CADM1: variants seen among roughly 807,000 people sequenced by gnomAD.
The protein encoded by CADM1 is TSLC-1.
In CADM1, 15 loss-of-function variants were observed where a neutral mutation model predicts 53.1. The ratio of observed to expected loss-of-function variants is 0.28; its 90% CI spans 0.19 to 0.44. The LOEUF (loss-of-function observed/expected upper bound fraction) is 0.44, where lower values mean the gene tolerates loss of function less well. CADM1 is among the 20% of genes least tolerant of loss of function. CADM1 has a pLI of 1.00. For missense variants in CADM1, 434 were observed against 611.3 expected (o/e 0.71, Z 3.06); for synonymous variants, 281 against 243.0 (o/e 1.16, Z -1.45).
intron 1 of CADM1, among the ~76,000 whole-genome samples, chr11:115,494,119 G>T (rs1346757035): frequency 6.6e-6 from 1 of 152,126 alleles, no homozygotes; most frequent in Non-Finnish European, 1.5e-5. Context: ...AGATGAGTAT[G>T]TGTGTATACA....
chr11:115,480,731 A>G (rs1949239232), intron 1 of CADM1, among the ~76,000 whole-genome samples: 1 of 152,078 alleles, frequency 6.6e-6, no homozygotes, highest in East Asian at 1.9e-4. Context: ...AAACCTTCCC[A>G]GTTTCTCACC....
At chr11:115,194,697 C>T (rs962570980) in intron 9 of CADM1, among the ~76,000 whole-genome samples, 1 of 151,976 alleles carries the variant, frequency 6.6e-6, no homozygotes, top group African/African-American at 2.4e-5. Context: ...GAGACGGAGA[C>T]AGAGAGACCT....
At chr11:115,460,793 A>G (rs1421643411) in intron 1 of CADM1, among the ~76,000 whole-genome samples, 1 of 152,110 alleles carries the variant, frequency 6.6e-6, no homozygotes, top group Non-Finnish European at 1.5e-5. Flanking sequence ...GAAAAAAAAA[A>G]ACACAAGGAA....
rs1300766396 is a variant in CADM1 at position 115,238,548 on chromosome 11, G to A, written c.376C>T (p.Leu126Phe). 6 of 1,613,774 alleles carry A rather than the reference G, an allele frequency of 3.7e-6. No homozygotes were observed. The highest frequency in any genetic ancestry group is 5.1e-6 in the Non-Finnish European group (6 of 1,179,852). The change falls in exon 3 of 12, where the codon CTC becomes TTC. Residue 126 changes from leucine (L) to phenylalanine (F), a missense_variant. Leu to Phe is a conservative substitution (Grantham distance 22). Transcript: ENST00000331581. Reference sequence around the variant, plus strand: ...CTTTCCTGTGGGGGATCGGTATAGAGCTGGCAAAAGTATCTTCCTTCATCA... The same window carrying A: ...CTTTCCTGTGGGGGATCGGTATAGAACTGGCAAAAGTATCTTCCTTCATCA... ...ISDEGRYFCQLYTDPPQESYT... is the reference protein window; with the variant it reads ...ISDEGRYFCQFYTDPPQESYT...
At chr11:115,187,960 T>C (rs1161023275) in intron 10 of CADM1, among the ~76,000 whole-genome samples, 1 of 152,132 alleles carries the variant, frequency 6.6e-6, no homozygotes, top group Non-Finnish European at 1.5e-5. Flanking sequence ...ATAACATGTT[T>C]TGAGGAATCA....
intron 1 of CADM1, among the ~76,000 whole-genome samples, chr11:115,271,684 CATT>C (rs1025514509): frequency 6.6e-6 from 1 of 152,168 alleles, no homozygotes; most frequent in Admixed American, 6.5e-5. Flanking sequence ...TTCCAAGAAG[CATT>C]TATTGGAGGT....
intron 1 of CADM1, among the ~76,000 whole-genome samples, chr11:115,284,053 G>A (rs1943655593): frequency 7.1e-6 from 1 of 141,346 alleles, no homozygotes; most frequent in African/African-American, 2.6e-5. Flanking sequence ...AGGGGGGCCT[G>A]TGAGAACCAG....
intron 1 of CADM1, chr11:115,377,637 T>C (rs220850): frequency 0.4 from 60,836 of 152,016 alleles, 12,749 homozygotes; most frequent in Non-Finnish European, 0.48. Context: ...ACAGTAATAA[T>C]TCATATACCT....
intron 1 of CADM1, among the ~76,000 whole-genome samples, chr11:115,277,132 G>GC (rs1943467376): frequency 6.6e-6 from 1 of 152,182 alleles, no homozygotes; most frequent in South Asian, 2.1e-4. Flanking sequence ...GCAACACAAT[G>GC]CCCCACCACA....
At chr11:115,413,829 G>A (rs12293591) in intron 1 of CADM1, among the ~76,000 whole-genome samples, 1 of 151,910 alleles carries the variant, frequency 6.6e-6, no homozygotes, top group South Asian at 2.1e-4. Flanking sequence ...ATTTTTAGTA[G>A]AAATGGGGTT....
At chr11:115,487,190 G>C (rs1949393296) in intron 1 of CADM1, among the ~76,000 whole-genome samples, 1 of 152,166 alleles carries the variant, frequency 6.6e-6, no homozygotes, top group Non-Finnish European at 1.5e-5. Context: ...TTTTTTCAAA[G>C]AGAATCTTAT....
intron 1 of CADM1, among the ~76,000 whole-genome samples, chr11:115,309,219 A>G (rs995190490): frequency 1.3e-5 from 2 of 152,174 alleles, no homozygotes; most frequent in Non-Finnish European, 2.9e-5. Context: ...CTAAATTTAA[A>G]TAAAATGTTC....
In CADM1 at chr11:115,267,551, AT is replaced by A. The variant is rs559248333; in HGVS notation, c.125-27132del. Among the ~76,000 whole-genome samples, 64 of 152,220 alleles carry A rather than the reference AT, an allele frequency of 4.2e-4. No individual in the cohort carries two copies. The East Asian group carries it at 0.012, about 28-fold the overall frequency. On this transcript the variant is annotated intron_variant, in intron 1 of 11. Transcript: ENST00000331581. ...GAGATAAATCAAACAACCACTTCTT[AT>A]TTTAGCACACGCTGGAAATCACACA...
intron 1 of CADM1, among the ~76,000 whole-genome samples, chr11:115,268,770 G>A (rs144400492): frequency 1.1e-4 from 16 of 152,290 alleles, no homozygotes; most frequent in Admixed American, 2.6e-4. Context: ...GTGCTCTCCC[G>A]TTCCTGAGCC....
Position 115,451,605 on chromosome 11 carries a change from T to A in CADM1, c.124+52666A>T, listed in dbSNP as rs545775660. Among the ~76,000 whole-genome samples the A allele has an allele frequency of 2.0e-5, 3 of 152,288 alleles. No individual in the cohort carries two copies. The East Asian group carries it at 5.8e-4, about 29-fold the overall frequency. ...GCAACTACTGTTATTCATTCAAACA[T>A]CCCCTACAGACCACTTAACAGGTAT... is the stretch of plus-strand genomic sequence containing the variant. On this transcript the variant is annotated intron_variant, in intron 1 of 11. Coordinates refer to ENST00000331581, the MANE Select transcript of CADM1 (RefSeq NM_001301043.2).
At chr11:115,449,366 C>A (rs1391019840) in intron 1 of CADM1, among the ~76,000 whole-genome samples, 2 of 152,202 alleles carry the variant, frequency 1.3e-5, no homozygotes, top group Admixed American at 1.3e-4. Flanking sequence ...CTCAACTTGT[C>A]AGCATTTTCA....
chr11:115,184,034 C>T (rs981815041), intron 10 of CADM1, among the ~76,000 whole-genome samples: 1 of 152,074 alleles, frequency 6.6e-6, no homozygotes, highest in East Asian at 1.9e-4. Context: ...CTCTCAGAAT[C>T]GGTGTTTGTA....
At chr11:115,473,136 T>C (rs1446640569) in intron 1 of CADM1, among the ~76,000 whole-genome samples, 1 of 152,208 alleles carries the variant, frequency 6.6e-6, no homozygotes, top group Non-Finnish European at 1.5e-5. Context: ...TGACTAAGAC[T>C]CCTTTTCCTC....
chr11:115,329,391 A>AT (rs1022528099), intron 1 of CADM1, among the ~76,000 whole-genome samples: 9 of 151,898 alleles, frequency 5.9e-5, no homozygotes, highest in Admixed American at 2.6e-4. Flanking sequence ...CAGTCTGGGC[A>AT]TTTTTTTGAA....
Sources: gnomAD v4.1 joint callset for allele counts (sites outside exome capture counted in the v4.1 genomes callset) on GRCh38, gnomAD v4.1.1 for gene constraint, MANE v1.5 for transcripts, NCBI Gene and HGNC (gene_info 2026-07-23, HGNC 2026-07-21) for gene names.